CFAP43: variants seen among roughly 807,000 people sequenced by gnomAD.
CFAP43 encodes the protein cilia- and flagella-associated protein 43.
A neutral mutation model predicts 218.9 loss-of-function variants in CFAP43; 155 were observed. The observed-to-expected ratio is 0.71, with a 90% confidence interval of 0.62 to 0.81. CFAP43 has a LOEUF of 0.81. Ranked by LOEUF, CFAP43 falls within the 30% of genes least tolerant of loss-of-function variation. The pLI, the probability that CFAP43 is intolerant of heterozygous loss-of-function variation, is 0.00. For synonymous variants in CFAP43, 645 were observed against 681.3 expected, an observed-to-expected ratio of 0.95 and a Z score of 0.83; for missense variants, 1,778 against 1,954.3, an observed-to-expected ratio of 0.91 and a Z score of 1.70.
intron 35 of CFAP43, 110 bp from the exon 36 acceptor site, chr10:104,132,306 T>A (rs1447304006): frequency 1.2e-6 from 1 of 850,954 alleles, no homozygotes; most frequent in African/African-American, 1.7e-5. Context: ...CAAATATCTA[T>A]GCAAGTTAAG....
In CFAP43 at chr10:104,214,271, C is replaced by T. The variant is rs142185893; in HGVS notation, c.572G>A (p.Cys191Tyr). 1.9e-4 allele frequency: 304 copies of T among 1,590,052 alleles called. No individual in the cohort carries two copies. The highest frequency in any genetic ancestry group is 1.3e-4 in the Admixed American group (7 of 54,934). ...CAAAGGCTCCTACCTTGCTCTGAAA[C>T]AATGCTCCTGGTTACTTCTTTCAAT... ...WTIERSNQEH[C>Y]FRARSVKLPL... The change falls in exon 4 of 38, where the codon TGT becomes TAT. Residue 191 changes from cysteine to tyrosine, a missense_variant. Cys to Tyr is a radical substitution (Grantham distance 194). Transcript: ENST00000357060.
rs1449554743 is a variant in CFAP43, at chr10:104,132,119, A to G, written c.4674T>C (p.Asp1558=). 6.3e-7 allele frequency: 1 copy of G among 1,599,582 alleles called. No individual in the cohort carries two copies. Among genetic ancestry groups the G allele is most frequent in the African/African-American group, 1.3e-5 (1 of 74,280 alleles). ...GIMEQTIAVL[D]KMHKKNVENC... The stretch of plus-strand genomic sequence containing the variant: ...AACCAACGTCTTTGAGACTTACCTT[A>G]TCTAAAACAGCAATGGTTTGTTCCA... Residue 1558 remains aspartate (D), a synonymous_variant, in exon 36 of 38, where the codon GAT becomes GAC. Transcript: ENST00000357060.
chr10:104,161,241 A>T (rs1250266195), intron 26 of CFAP43, 79 bp from the exon 27 acceptor site: 43 of 1,323,470 alleles, frequency 3.2e-5, no homozygotes, highest in Non-Finnish European at 3.7e-5. Context: ...AGTTTTTTTT[A>T]AAAAGCCCTT....
intron 24 of CFAP43, 59 bp downstream of exon 24, chr10:104,164,035 T>C (rs1487917852): frequency 7.7e-6 from 12 of 1,567,952 alleles, no homozygotes; most frequent in Non-Finnish European, 1.0e-5. Context: ...GTTGAACAAA[T>C]AGGAGCTGGG....
chr10:104,146,202 C>T (rs2087959057), intron 30 of CFAP43, 61 bp downstream of exon 30: 6 of 1,392,340 alleles, frequency 4.3e-6, no homozygotes. Context: ...TTTAACCTTC[C>T]TCCAATCCAG....
intron 3 of CFAP43, among the ~76,000 whole-genome samples, chr10:104,221,901 G>T (rs1038606512): frequency 1.3e-5 from 2 of 152,120 alleles, no homozygotes; most frequent in Non-Finnish European, 2.9e-5. Context: ...GAAACTGCTG[G>T]TGGTGGTATT....
intron 6 of CFAP43, among the ~76,000 whole-genome samples, chr10:104,207,171 T>TAA (rs35723963): frequency 4.0e-5 from 6 of 150,444 alleles, no homozygotes; most frequent in East Asian, 3.9e-4. Flanking sequence ...AGACTCTGTC[T>TAA]AAAAAAAAAC....
chr10:104,162,442 A>C (rs761847480), intron 24 of CFAP43, 39 bp from the exon 25 acceptor site: 1 of 1,564,476 alleles, frequency 6.4e-7, no homozygotes, highest in South Asian at 1.1e-5. Flanking sequence ...TTATTCTTAC[A>C]AAATTCAAAC....
intron 2 of CFAP43, among the ~76,000 whole-genome samples, chr10:104,228,284 CTTCT>C (rs1203165795): frequency 3.3e-5 from 5 of 151,560 alleles, no homozygotes; most frequent in African/African-American, 1.2e-4. Flanking sequence ...TATATTTTTT[CTTCT>C]TTCTTCCTCC....
rs2090739350 is a variant in CFAP43 at position 104,207,788 on chromosome 10, T to C, written c.772A>G (p.Met258Val). ...TCACTTGTTGGAGTCCAGCAATGCA[T>C]AGTCGGGTGAAGCAAAGGATATAGA... ...DDLYPLLHPT[M>V]HCWTPTSDLY... The change falls in exon 6 of 38, where the codon ATG becomes GTG. Residue 258 changes from methionine (M) to valine (V), a missense_variant. This residue lies in a region of CFAP43 where 1,553 missense variants were observed against 1,685.2 expected (regional missense o/e 0.92). Transcript: ENST00000357060. 2.5e-6 allele frequency: 4 copies of C among 1,614,034 alleles called. No homozygotes were observed. The highest frequency in any genetic ancestry group is 2.5e-6 in the Non-Finnish European group (3 of 1,179,988).
intron 28 of CFAP43, among the ~76,000 whole-genome samples, chr10:104,151,821 C>G (rs2088273529): frequency 6.6e-6 from 1 of 152,078 alleles, no homozygotes; most frequent in East Asian, 1.9e-4. Flanking sequence ...TTCCTATGTC[C>G]AGAATGATAT....
intron 7 of CFAP43, among the ~76,000 whole-genome samples, chr10:104,204,952 C>A (rs1466962470): frequency 6.6e-6 from 1 of 152,118 alleles, no homozygotes; most frequent in African/African-American, 2.4e-5. Flanking sequence ...CAGTGGCTCA[C>A]GCCTGTAATC....
intron 34 of CFAP43, among the ~76,000 whole-genome samples, chr10:104,134,450 G>C (rs896672183): frequency 6.6e-6 from 1 of 152,024 alleles, no homozygotes; most frequent in African/African-American, 2.4e-5. Flanking sequence ...GAAACCAAAA[G>C]TTGGTTCTTT....
intron 4 of CFAP43, among the ~76,000 whole-genome samples, chr10:104,212,692 T>A (rs879439976): frequency 6.6e-6 from 1 of 152,260 alleles, no homozygotes; most frequent in South Asian, 2.1e-4. Flanking sequence ...ATTCAGCTAC[T>A]TTTATAATCT....
intron 12 of CFAP43, among the ~76,000 whole-genome samples, chr10:104,188,784 T>C (rs567719467): frequency 6.6e-6 from 1 of 152,176 alleles, no homozygotes; most frequent in African/African-American, 2.4e-5. Flanking sequence ...TTGGGTAAAC[T>C]TAGGCATCGG....
intron 1 of CFAP43, 46 bp from the exon 2 acceptor site, chr10:104,230,889 C>CA: frequency 8.1e-7 from 1 of 1,236,920 alleles, no homozygotes; most frequent in Non-Finnish European, 1.1e-6. Context: ...ATTTCAAATA[C>CA]TTTTTTTTTT....
At chr10:104,130,426 G>T in intron 37 of CFAP43, 121 bp from the exon 38 acceptor site, 1 of 1,111,220 alleles carries the variant, frequency 9.0e-7, no homozygotes, top group Non-Finnish European at 1.3e-6. Context: ...GCACTTGTAT[G>T]TTTACAGCAG....
chr10:104,157,842 C>A (rs996678005), intron 27 of CFAP43, among the ~76,000 whole-genome samples: 9 of 148,022 alleles, frequency 6.1e-5, no homozygotes, highest in African/African-American at 2.0e-4. Context: ...AAGAACACAT[C>A]TGGTATCCAG....
intron 10 of CFAP43, 52 bp from the exon 11 acceptor site, chr10:104,194,066 A>C: frequency 6.3e-7 from 1 of 1,595,786 alleles, no homozygotes; most frequent in Non-Finnish European, 8.5e-7. Context: ...GCTCTCCTAC[A>C]CGTAAGAATG....
Sources: allele counts gnomAD v4.1 joint callset (sites outside exome capture counted in the v4.1 genomes callset), GRCh38; gene constraint gnomAD v4.1.1; regional missense constraint gnomAD v4.1.1; transcripts MANE v1.5; gene names NCBI Gene and HGNC (gene_info 2026-07-23, HGNC 2026-07-21).